CNTLN: variants seen among roughly 807,000 people sequenced by gnomAD.
CNTLN encodes the protein centlein.
A neutral mutation model predicts 180.0 loss-of-function variants in CNTLN; 212 were observed. The ratio of observed to expected loss-of-function variants is 1.18; its 90% CI spans 1.05 to 1.32. CNTLN has a LOEUF of 1.32. Ranked by LOEUF, CNTLN falls within the 40% of genes most tolerant of loss-of-function variation. The probability of loss-of-function intolerance (pLI) is 0.00; values close to 1 mark genes in which losing one functional copy is unlikely to be tolerated. For missense variants in CNTLN, 2,095 were observed against 1,610.9 expected, an observed-to-expected ratio of 1.30 and a Z score of -5.14; for synonymous variants, 722 against 563.1, an observed-to-expected ratio of 1.28 and a Z score of -3.99.
intron 19 of CNTLN, among the ~76,000 whole-genome samples, chr9:17,458,056 T>C (rs1302776624): frequency 6.6e-6 from 1 of 151,962 alleles, no homozygotes; most frequent in Non-Finnish European, 1.5e-5. Flanking sequence ...ATAAACAGAA[T>C]TGCTTTTCTC....
At chr9:17,194,495 A>G (rs1057268484) in intron 2 of CNTLN, among the ~76,000 whole-genome samples, 4 of 152,198 alleles carry the variant, frequency 2.6e-5, no homozygotes, top group Non-Finnish European at 5.9e-5. Context: ...CTAAAACCTA[A>G]CAAGGGTCAC....
At chr9:17,382,484 G>A (rs1470445799) in intron 13 of CNTLN, among the ~76,000 whole-genome samples, 1 of 152,012 alleles carries the variant, frequency 6.6e-6, no homozygotes, top group Non-Finnish European at 1.5e-5. Context: ...CTCCAATAAA[G>A]GCAAAAACTT....
chr9:17,310,842 A>G (rs1337212910), intron 8 of CNTLN, among the ~76,000 whole-genome samples: 3 of 151,912 alleles, frequency 2.0e-5, no homozygotes, highest in African/African-American at 7.3e-5. Flanking sequence ...TTCTTTTGTG[A>G]ACTATCTGTT....
At chr9:17,424,228 C>T (rs1406804149) in intron 18 of CNTLN, among the ~76,000 whole-genome samples, 1 of 151,998 alleles carries the variant, frequency 6.6e-6, no homozygotes, top group African/African-American at 2.4e-5. Flanking sequence ...ATCTGTATTG[C>T]AAAAGTGAAC....
At chr9:17,192,142 T>C (rs116822996) in intron 2 of CNTLN, among the ~76,000 whole-genome samples, 3,745 of 152,196 alleles carry the variant, frequency 0.025, 154 homozygotes, top group African/African-American at 0.086. Flanking sequence ...TAATGGCTAA[T>C]AATATATTGA....
rs532921048 is a variant in CNTLN at position 17,337,874 on chromosome 9, T to C, written c.1645-2953T>C. ...TCTTGGTCAATCTTTGAGGTTCTAT[T>C]TACTCAGTTTCTGATGACTCTAACA... is the stretch of plus-strand genomic sequence containing the variant. On this transcript the variant is annotated intron_variant, in intron 10 of 25. Transcript: ENST00000380647. 4.6e-5 allele frequency among the ~76,000 whole-genome samples: 7 copies of C among 152,278 alleles called. 1 individual carries two copies. In the South Asian group the frequency reaches 1.5e-3, roughly 32 times the overall value.
intron 8 of CNTLN, among the ~76,000 whole-genome samples, chr9:17,312,369 TATATATATATATATAA>T (rs1819239113): frequency 0.033 from 1,132 of 34,368 alleles, 28 homozygotes; most frequent in African/African-American, 0.086. Flanking sequence ...ATATATTATA[TATATATATATATATAA>T]TTTATTTATT....
Position 17,273,892 on chromosome 9 carries a change from A to G in CNTLN, c.983+26A>G. On this transcript the variant is annotated intron_variant, in intron 6 of 25. Coordinates refer to ENST00000380647, the MANE Select transcript of CNTLN (RefSeq NM_017738.4). ...GCAAGTATATTCAATTTTTAATTTAACATCATAGAAATGTCATTAGTTATT... is the reference window on the plus strand; with the variant it reads ...GCAAGTATATTCAATTTTTAATTTAGCATCATAGAAATGTCATTAGTTATT... 1.4e-6 allele frequency: 2 copies of G among 1,473,370 alleles called. 1 individual carries two copies. Among genetic ancestry groups the G allele is most frequent in the South Asian group, 2.7e-5 (2 of 74,748 alleles). 91.3% of individuals were successfully genotyped at this position (1,473,370 alleles called of 1,614,324 possible).
At chr9:17,266,309 C>G (rs576978838) in intron 5 of CNTLN, among the ~76,000 whole-genome samples, 2 of 152,306 alleles carry the variant, frequency 1.3e-5, no homozygotes, top group South Asian at 4.1e-4. Context: ...AGTAGTCACT[C>G]AGGACCAGGT....
At chr9:17,466,917 C>G in intron 23 of CNTLN, 26 bp downstream of exon 23, 1 of 1,578,332 alleles carries the variant, frequency 6.3e-7, no homozygotes, top group Non-Finnish European at 8.7e-7. Flanking sequence ...CGTTTACTAA[C>G]TTGTACTTTA....
intron 5 of CNTLN, among the ~76,000 whole-genome samples, chr9:17,253,404 A>G (rs1826274534): frequency 6.6e-6 from 1 of 151,438 alleles, no homozygotes; most frequent in Admixed American, 6.6e-5. Context: ...TGAGTGTGAT[A>G]TGTTTTTCTT....
intron 2 of CNTLN, among the ~76,000 whole-genome samples, chr9:17,199,635 A>G (rs1296505620): frequency 2.6e-5 from 4 of 152,150 alleles, no homozygotes; most frequent in African/African-American, 9.7e-5. Context: ...CTGCATAAAT[A>G]TCTTCTTTTG....
intron 8 of CNTLN, among the ~76,000 whole-genome samples, chr9:17,317,077 C>A (rs919069785): frequency 6.6e-6 from 1 of 151,428 alleles, no homozygotes; most frequent in Non-Finnish European, 1.5e-5. Flanking sequence ...GATATCATGT[C>A]GTTATCATTG....
At chr9:17,481,712 A>T (rs745913621) in intron 23 of CNTLN, among the ~76,000 whole-genome samples, 64 of 152,204 alleles carry the variant, frequency 4.2e-4, no homozygotes, top group Non-Finnish European at 7.6e-4. Context: ...AGCCTAACAC[A>T]TGGCAGCACA....
chr9:17,497,500 T>A (rs1390244340), intron 25 of CNTLN, among the ~76,000 whole-genome samples: 1 of 152,174 alleles, frequency 6.6e-6, no homozygotes, highest in Admixed American at 6.5e-5. Flanking sequence ...CCCAAGGACT[T>A]TATAAATAGA....
At position 17,394,632 on chromosome 9, in the gene CNTLN, A is replaced by G. The variant is rs1392734316; in HGVS notation, c.2178A>G (p.Lys726=). ...TAATGAAAGAAAATGATTTTCTGAA[A>G]TCCCTCTTAAAACAGCAACAAGAAG... ...KKLMKENDFL[K]SLLKQQQEDT... is the part of the protein sequence containing the mutation. The change falls in exon 15 of 26, where the codon AAA becomes AAG. Residue 726 remains lysine, a synonymous_variant. Transcript: ENST00000380647. The G allele has an allele frequency of 6.2e-7, 1 of 1,606,188 alleles. No homozygotes were observed.
intron 16 of CNTLN, among the ~76,000 whole-genome samples, chr9:17,410,364 T>C (rs145449170): frequency 1.3e-5 from 2 of 152,292 alleles, no homozygotes; most frequent in African/African-American, 4.8e-5. Context: ...CCTCTTCAAG[T>C]CTCTGCCCAT....
At position 17,370,156 on chromosome 9, in the gene CNTLN, C is replaced by T. The variant is rs554729867; in HGVS notation, c.1987+3439C>T. 5.3e-5 allele frequency among the ~76,000 whole-genome samples: 8 copies of T among 152,100 alleles called. No homozygotes were observed. In the South Asian group the frequency reaches 1.7e-3, roughly 32 times the overall value. On this transcript the variant is annotated intron_variant, in intron 13 of 25. Transcript: ENST00000380647. ...CAAAGTTTATTCAAAGGGAAAATAA[C>T]AGAGAACTTTTCAAACCTAGCAAAA...
the CNTLN span, among the ~76,000 whole-genome samples, chr9:17,512,075 C>T: frequency 6.6e-6 from 1 of 152,126 alleles, no homozygotes; most frequent in Non-Finnish European, 1.5e-5. Flanking sequence ...GAGGTTGGGA[C>T]AGCACAATTA....
Sources: gnomAD v4.1 joint callset for allele counts (sites outside exome capture counted in the v4.1 genomes callset) on GRCh38, gnomAD v4.1.1 for gene constraint, MANE v1.5 for transcripts, NCBI Gene and HGNC (gene_info 2026-07-23, HGNC 2026-07-21) for gene names.